The following RGSL1 variants were observed in gnomAD, a reference collection of about 807,000 sequenced individuals.
The protein encoded by RGSL1 is regulator of G protein signaling protein-like.
A neutral mutation model predicts 124.7 loss-of-function variants in RGSL1; 97 were observed. That is an observed-to-expected ratio of 0.78 (90% CI 0.66 to 0.92). The LOEUF (loss-of-function observed/expected upper bound fraction) is 0.92. RGSL1 is among the 40% of genes least tolerant of loss of function. The pLI is 0.00. For synonymous variants in RGSL1, 424 were observed against 438.1 expected (o/e 0.97, Z 0.40); for missense variants, 1,233 against 1,288.4 (o/e 0.96, Z 0.66).
At chr1:182,509,663 G>A (rs1477219066) in intron 9 of RGSL1, among the ~76,000 whole-genome samples, 6 of 135,824 alleles carry the variant, frequency 4.4e-5, no homozygotes, top group African/African-American at 1.7e-4. Context: ...TGGCCGGGCG[G>A]GGGGCTGAAC....
rs1660541268 is a variant in RGSL1 at position 182,551,201 on chromosome 1, C to T, written c.3035C>T (p.Ser1012Leu). Residue 1012 changes from serine (S) to leucine (L), a missense_variant, in exon 18 of 22, where the codon TCG (serine) becomes TTG (leucine). Physicochemically the swap from Ser to Leu is moderately radical, Grantham distance 145. Coordinates refer to ENST00000294854, the MANE Select transcript of RGSL1 (RefSeq NM_001137669.2). ...AAATCTACGGACAAGTATCCTTTCT[C>T]GAGTGGAGGTAAGCTCCACCACGAC... is the stretch of plus-strand genomic sequence containing the variant. The part of the protein sequence containing the change: ...PPKSTDKYPF[S>L]SGGDNAILRF... The T allele has an allele frequency of 5.8e-6, 9 of 1,549,856 alleles. No homozygotes were observed. The East Asian group carries it at 9.8e-5, about 17-fold the overall frequency.
intron 9 of RGSL1, among the ~76,000 whole-genome samples, chr1:182,503,877 A>G (rs912904282): frequency 2.8e-4 from 42 of 152,184 alleles, no homozygotes; most frequent in African/African-American, 9.6e-4. Context: ...CCATAAATAT[A>G]TACACCTAAG....
chr1:182,474,064 C>T lies in RGSL1; in HGVS notation c.953C>T (p.Ser318Phe). Reference sequence around the variant, plus strand: ...AAGGATATGCATTATGCAAAAATATCCAGCATGGAGAATAAAGCCAAGAGC... The same window carrying T: ...AAGGATATGCATTATGCAAAAATATTCAGCATGGAGAATAAAGCCAAGAGC... ...LEKDMHYAKI[S>F]SMENKAKSHL... is the part of the protein sequence containing the mutation. The change falls in exon 6 of 22, where the codon TCC (serine) becomes TTC (phenylalanine). Residue 318 changes from serine (S) to phenylalanine (F), a missense_variant. By Grantham distance (155) the Ser-to-Phe change is radical (BLOSUM62 -2). Coordinates refer to ENST00000294854, the MANE Select transcript of RGSL1 (RefSeq NM_001137669.2). The T allele has an allele frequency of 6.4e-7, 1 of 1,551,714 alleles. No individual in the cohort carries two copies. The highest frequency in any genetic ancestry group is 8.7e-7 in the Non-Finnish European group (1 of 1,146,996).
intron 9 of RGSL1, among the ~76,000 whole-genome samples, chr1:182,509,912 A>C (rs1657261005): frequency 7.3e-6 from 1 of 136,598 alleles, no homozygotes; most frequent in African/African-American, 2.8e-5. Context: ...GAGGCTCCTC[A>C]CTTCTCAGAC....
chr1:182,530,861 C>T lies in RGSL1; in HGVS notation c.2315C>T (p.Ser772Leu), dbSNP rs1458567397. 1.5e-5 allele frequency: 23 copies of T among 1,550,110 alleles called. No individual in the cohort carries two copies. The highest frequency in any genetic ancestry group is 2.4e-5 in the East Asian group (1 of 40,848). Residue 772 changes from serine to leucine, a missense_variant, in exon 13 of 22, where the codon TCG becomes TTG. Ser to Leu is a moderately radical substitution (Grantham distance 145, BLOSUM62 -2). Coordinates refer to ENST00000294854, the MANE Select transcript of RGSL1 (RefSeq NM_001137669.2). The part of the protein sequence containing the change: ...EVEVQSEVQI[S>L]SRKPSKIVST... ...GAAGTGCAAAGTGAAGTACAAATTT[C>T]GTCTAGGAAGCCCTCAAAGATAGTG... is the stretch of plus-strand genomic sequence containing the variant.
chr1:182,538,932 T>G (rs1659717284), intron 14 of RGSL1, among the ~76,000 whole-genome samples: 1 of 152,154 alleles, frequency 6.6e-6, no homozygotes, highest in African/African-American at 2.4e-5. Flanking sequence ...ATTTAGAAAG[T>G]AGAATCAACA....
rs899198503 is a variant in RGSL1, at chr1:182,453,924, T to C, written c.14-34T>C. ...TGAACCTGAATGCAATTCTGGTTCA[T>C]GTTTTGTTTTTTTATTTCTCTCTCT... is the stretch of plus-strand genomic sequence containing the variant. On this transcript the variant is annotated intron_variant, in intron 1 of 21. Coordinates refer to ENST00000294854, the MANE Select transcript of RGSL1 (RefSeq NM_001137669.2). 7 of 1,142,494 alleles carry C rather than the reference T, an allele frequency of 6.1e-6. No homozygotes were observed. The African/African-American group carries it at 6.2e-5, about 10-fold the overall frequency. The allele number at this position is 1,142,494 out of a possible 1,614,324, so 70.8% of individuals were successfully genotyped here.
At chr1:182,476,394 C>T (rs75416534) in intron 6 of RGSL1, among the ~76,000 whole-genome samples, 2,794 of 152,268 alleles carry the variant, frequency 0.018, 93 homozygotes, top group African/African-American at 0.064. Context: ...TCTTGACTCA[C>T]CTCTTTGTCT....
intron 19 of RGSL1, among the ~76,000 whole-genome samples, chr1:182,554,029 A>G (rs945950297): frequency 3.9e-5 from 6 of 152,082 alleles, no homozygotes; most frequent in Non-Finnish European, 8.8e-5. Flanking sequence ...TACTGAGGCC[A>G]TATTATATTC....
chr1:182,498,855 C>T (rs1400833550), intron 9 of RGSL1, among the ~76,000 whole-genome samples: 2 of 150,556 alleles, frequency 1.3e-5, no homozygotes, highest in Admixed American at 1.3e-4. Context: ...TGCAATGGCA[C>T]GATCTTGGCT....
intron 8 of RGSL1, among the ~76,000 whole-genome samples, chr1:182,492,331 C>T (rs1289433364): frequency 1.3e-5 from 2 of 152,188 alleles, no homozygotes; most frequent in Non-Finnish European, 2.9e-5. Context: ...CAAAAGAACA[C>T]ATACATTTGC....
intron 9 of RGSL1, among the ~76,000 whole-genome samples, chr1:182,520,402 C>T (rs944113954): frequency 6.6e-6 from 1 of 152,146 alleles, no homozygotes; most frequent in Non-Finnish European, 1.5e-5. Context: ...AATTTGTTTA[C>T]ATAATTGTCA....
chr1:182,478,449 T>C (rs554171888), intron 6 of RGSL1, among the ~76,000 whole-genome samples: 1 of 152,306 alleles, frequency 6.6e-6, no homozygotes, highest in African/African-American at 2.4e-5. Context: ...GCAGGCTTGA[T>C]TAGGCTTCAA....
At chr1:182,516,996 G>T (rs1398911255) in intron 9 of RGSL1, among the ~76,000 whole-genome samples, 1 of 152,008 alleles carries the variant, frequency 6.6e-6, no homozygotes, top group Non-Finnish European at 1.5e-5. Context: ...TTTCATGTTA[G>T]TGTTTTTTTC....
chr1:182,553,370 A>G, intron 18 of RGSL1, 85 bp from the exon 19 acceptor site: 1 of 986,332 alleles, frequency 1.0e-6, no homozygotes, highest in East Asian at 2.6e-5. Context: ...TGTGTTAAAC[A>G]AGAGCTTTAT....
At chr1:182,496,017 A>G (rs1655884883) in intron 9 of RGSL1, among the ~76,000 whole-genome samples, 1 of 152,184 alleles carries the variant, frequency 6.6e-6, no homozygotes, top group Admixed American at 6.5e-5. Flanking sequence ...GAGGTTGGGT[A>G]ATTTATAAAG....
Position 182,522,118 on chromosome 1 carries a change from TA to T in RGSL1, c.1931+10del. 6.5e-7 allele frequency: 1 copy of T among 1,529,312 alleles called. No homozygotes were observed. The highest frequency in any genetic ancestry group is 8.9e-7 in the Non-Finnish European group (1 of 1,129,896). The allele number at this position is 1,529,312 out of a possible 1,614,324, so 94.7% of individuals were successfully genotyped here. A position where few individuals can be genotyped will look rare whatever the true frequency, so the allele number is the denominator to read the frequency against. On this transcript the variant is annotated intron_variant, in intron 10 of 21. Transcript: ENST00000294854. ...CCATCAATGAGACCCAGGTGAGATA[TA>T]GAATCTGTTTACAGCAACATCTTCA...
intron 6 of RGSL1, among the ~76,000 whole-genome samples, chr1:182,477,574 C>T (rs568516834): frequency 9.2e-5 from 14 of 152,286 alleles, no homozygotes; most frequent in African/African-American, 3.1e-4. Flanking sequence ...AATGGCTTTT[C>T]CAGACTGCTA....
At chr1:182,484,569 C>T (rs1654950884) in intron 6 of RGSL1, among the ~76,000 whole-genome samples, 1 of 152,204 alleles carries the variant, frequency 6.6e-6, no homozygotes, top group Admixed American at 6.5e-5. Context: ...CTTCAGTTCA[C>T]AGGTTCGGGG....
Sources: allele counts gnomAD v4.1 joint callset (sites outside exome capture counted in the v4.1 genomes callset), GRCh38; gene constraint gnomAD v4.1.1; transcripts MANE v1.5; gene names NCBI Gene and HGNC (gene_info 2026-07-23, HGNC 2026-07-21).